The following GPR39 variants were observed in gnomAD, a reference collection of about 807,000 sequenced individuals.
GPR39 encodes zinc sensing receptor.
Under a neutral mutation model 18.4 loss-of-function variants are expected in GPR39, and 23 were observed. The ratio of observed to expected loss-of-function variants is 1.25; its 90% CI spans 0.90 to 1.77. GPR39 has a LOEUF of 1.77. Ranked by LOEUF, GPR39 falls within the 40% of genes most tolerant of loss-of-function variation. GPR39 has a pLI of 0.00. For missense variants in GPR39, 647 were observed against 602.4 expected (o/e 1.07, Z -0.78); for synonymous variants, 280 against 257.9 (o/e 1.09, Z -0.82).
intron 1 of GPR39, among the ~76,000 whole-genome samples, chr2:132,580,772 G>C (rs550616319): frequency 1.6e-4 from 25 of 152,136 alleles, no homozygotes; most frequent in African/African-American, 5.1e-4. Context: ...GAGCAGCCTG[G>C]TCAACTTGGT....
At chr2:132,465,415 C>G (rs1680910582) in intron 1 of GPR39, among the ~76,000 whole-genome samples, 1 of 152,220 alleles carries the variant, frequency 6.6e-6, no homozygotes, top group Admixed American at 6.5e-5. Flanking sequence ...CCTAGTCTCC[C>G]TGTACCCCCT....
At chr2:132,538,118 A>G (rs964524824) in intron 1 of GPR39, among the ~76,000 whole-genome samples, 1 of 152,026 alleles carries the variant, frequency 6.6e-6, no homozygotes, top group Non-Finnish European at 1.5e-5. Flanking sequence ...TTCGGAGGAG[A>G]AGAGGCACTC....
At chr2:132,635,750 G>C (rs1043809058) in intron 1 of GPR39, among the ~76,000 whole-genome samples, 1 of 152,186 alleles carries the variant, frequency 6.6e-6, no homozygotes, top group African/African-American at 2.4e-5. Flanking sequence ...CCCCAAATCT[G>C]ACTGTATTTG....
chr2:132,580,276 A>T (rs1263157149), intron 1 of GPR39, among the ~76,000 whole-genome samples: 2 of 152,224 alleles, frequency 1.3e-5, no homozygotes, highest in African/African-American at 4.8e-5. Flanking sequence ...GGATTAAGGG[A>T]TGGAGCCAAT....
intron 1 of GPR39, among the ~76,000 whole-genome samples, chr2:132,569,545 A>T (rs1301164195): frequency 7.2e-6 from 1 of 138,784 alleles, no homozygotes; most frequent in Non-Finnish European, 1.5e-5. Context: ...CTCTGTGGGG[A>T]TGGGGTCCTC....
At chr2:132,424,783 G>C (rs554320716) in intron 1 of GPR39, among the ~76,000 whole-genome samples, 202 of 152,240 alleles carry the variant, frequency 1.3e-3, no homozygotes, top group Non-Finnish European at 2.4e-3. Flanking sequence ...TGTGTTTATA[G>C]AATAAAAAAA....
intron 1 of GPR39, among the ~76,000 whole-genome samples, chr2:132,567,470 G>T (rs1166377164): frequency 1.3e-5 from 2 of 152,296 alleles, no homozygotes; most frequent in South Asian, 4.1e-4. Context: ...AGCTAGTTTG[G>T]CTCATGCTCC....
chr2:132,427,738 G>A lies in GPR39; in HGVS notation c.856+9840G>A, dbSNP rs112709940. Among the ~76,000 whole-genome samples the A allele has an allele frequency of 5.7e-3, 860 of 150,364 alleles. 10 individuals are homozygous for A. The highest frequency in any genetic ancestry group is 0.02 in the African/African-American group (815 of 41,130). ...GTCTCAGTAAGTTGCCTAGGCTGGAGTATAGTGACTATTCACAGACATGAT... is the reference window on the plus strand; with the variant it reads ...GTCTCAGTAAGTTGCCTAGGCTGGAATATAGTGACTATTCACAGACATGAT... On this transcript the variant is annotated intron_variant, in intron 1 of 1. Transcript: ENST00000329321.
Position 132,645,694 on chromosome 2 carries a change from C to T in GPR39, c.*88C>T. On this transcript the variant is annotated 3_prime_UTR_variant, in exon 2 of 2. Coordinates refer to ENST00000329321, the MANE Select transcript of GPR39 (RefSeq NM_001508.3). Reference sequence around the variant, plus strand: ...ACTCTGCAGTCTCAAACTATGCCCCCATCAGGGATGGAATGGACACTGGAG... The same window carrying T: ...ACTCTGCAGTCTCAAACTATGCCCCTATCAGGGATGGAATGGACACTGGAG... 3 of 1,503,174 alleles carry T rather than the reference C, an allele frequency of 2.0e-6. No homozygotes were observed. Among genetic ancestry groups the T allele is most frequent in the South Asian group, 2.7e-5 (2 of 75,278 alleles). The allele number at this position is 1,503,174 out of a possible 1,614,324, so 93.1% of individuals were successfully genotyped here.
chr2:132,619,072 C>A (rs1681388479), intron 1 of GPR39, among the ~76,000 whole-genome samples: 1 of 152,172 alleles, frequency 6.6e-6, no homozygotes, highest in Admixed American at 6.5e-5. Context: ...GCTGCTACAC[C>A]CCCACAGGCC....
At chr2:132,556,065 C>T (rs1462165221) in intron 1 of GPR39, among the ~76,000 whole-genome samples, 5 of 152,112 alleles carry the variant, frequency 3.3e-5, no homozygotes, top group Admixed American at 1.3e-4. Flanking sequence ...GGTCCAGGGT[C>T]GTGCTTTGAG....
At chr2:132,515,092 T>C (rs1313935775) in intron 1 of GPR39, among the ~76,000 whole-genome samples, 1 of 152,182 alleles carries the variant, frequency 6.6e-6, no homozygotes, top group Non-Finnish European at 1.5e-5. Context: ...ACCCAGATCA[T>C]TCATTTATTG....
chr2:132,462,995 A>G (rs980805394), intron 1 of GPR39, among the ~76,000 whole-genome samples: 1 of 152,224 alleles, frequency 6.6e-6, no homozygotes, highest in Admixed American at 6.5e-5. Context: ...GCATGTTTCC[A>G]GAAAATGTAC....
intron 1 of GPR39, among the ~76,000 whole-genome samples, chr2:132,445,801 A>C (rs1227948087): frequency 1.3e-5 from 2 of 152,220 alleles, no homozygotes. Flanking sequence ...TAGGGTAAAC[A>C]GTAGACACTG....
chr2:132,614,689 T>G lies in GPR39; in HGVS notation c.857-30412T>G, dbSNP rs1314108475. Among the ~76,000 whole-genome samples the G allele has an allele frequency of 3.9e-5, 6 of 152,290 alleles. No individual in the cohort carries two copies. In the East Asian group the frequency reaches 1.2e-3, roughly 29 times the overall value. ...CCTTAGCCTCCCAAGTAGCTGAGAT[T>G]ACAGGCGCATGCCACCACACCAGGC... On this transcript the variant is annotated intron_variant, in intron 1 of 1. Transcript: ENST00000329321.
At chr2:132,494,964 T>C (rs181541257) in intron 1 of GPR39, among the ~76,000 whole-genome samples, 24 of 152,252 alleles carry the variant, frequency 1.6e-4, no homozygotes, top group Non-Finnish European at 2.9e-4. Context: ...AGGCTGACTT[T>C]ACACGTAAAG....
At chr2:132,518,534 C>T (rs1288354607) in intron 1 of GPR39, among the ~76,000 whole-genome samples, 1 of 152,182 alleles carries the variant, frequency 6.6e-6, no homozygotes, top group Non-Finnish European at 1.5e-5. Context: ...TGTGACAGCT[C>T]CGTTCCCTGG....
At chr2:132,639,072 C>CTCT (rs10633792) in intron 1 of GPR39, among the ~76,000 whole-genome samples, 19,559 of 152,050 alleles carry the variant, frequency 0.13, 4,071 homozygotes, top group African/African-American at 0.44. Flanking sequence ...GTTTATCCAG[C>CTCT]TCTTGTTGCT....
At chr2:132,626,370 T>G (rs188273852) in intron 1 of GPR39, among the ~76,000 whole-genome samples, 35 of 152,318 alleles carry the variant, frequency 2.3e-4, no homozygotes, top group African/African-American at 7.9e-4. Context: ...CTGCTGATGA[T>G]AGTGGCTCAG....
Sources: gnomAD v4.1 joint callset for allele counts (sites outside exome capture counted in the v4.1 genomes callset) on GRCh38, gnomAD v4.1.1 for gene constraint, MANE v1.5 for transcripts, NCBI Gene and HGNC (gene_info 2026-07-23, HGNC 2026-07-21) for gene names.